The following CCDC60 variants were observed in gnomAD, a reference collection of about 807,000 sequenced individuals.
CCDC60 encodes the protein coiled-coil domain-containing protein 60.
A neutral mutation model predicts 63.5 loss-of-function variants in CCDC60; 54 were observed. The observed-to-expected ratio is 0.85, with a 90% CI of 0.68 to 1.07. The LOEUF (loss-of-function observed/expected upper bound fraction) is 1.07, where lower values mean the gene tolerates loss of function less well. CCDC60 is among the 50% of genes least tolerant of loss of function. The probability of loss-of-function intolerance (pLI) is 0.00; values close to 1 mark genes in which losing one functional copy is unlikely to be tolerated. For missense variants in CCDC60, 651 were observed against 684.3 expected (o/e 0.95, Z 0.54); for synonymous variants, 206 against 238.8 (o/e 0.86, Z 1.27).
chr12:119,467,797 A>G (rs1406057717), intron 2 of CCDC60, among the ~76,000 whole-genome samples: 1 of 152,254 alleles, frequency 6.6e-6, no homozygotes, highest in Non-Finnish European at 1.5e-5. Flanking sequence ...TGTGCTACAC[A>G]GAGAAAAATC....
intron 2 of CCDC60, among the ~76,000 whole-genome samples, chr12:119,469,728 G>A (rs1056271647): frequency 4.6e-5 from 7 of 152,158 alleles, no homozygotes; most frequent in South Asian, 2.1e-4. Context: ...CAACTGCCAC[G>A]TAGCTGGCAG....
Position 119,507,604 on chromosome 12 carries a change from A to ATTT in CCDC60, c.883+2302_883+2303insTTT, listed in dbSNP as rs1566050749. Among the ~76,000 whole-genome samples, 20 of 25,194 alleles carry ATTT rather than the reference A, an allele frequency of 7.9e-4. 1 individual carries two copies. The highest frequency in any genetic ancestry group is 3.8e-3 in the South Asian group (2 of 522). 16.5% of individuals were successfully genotyped at this position (25,194 alleles called of 152,430 possible). A position where few individuals can be genotyped will look rare whatever the true frequency, so the allele number is the denominator to read the frequency against. On this transcript the variant is annotated intron_variant, in intron 7 of 13. Coordinates refer to ENST00000327554, the MANE Select transcript of CCDC60 (RefSeq NM_178499.5). Reference sequence around the variant, plus strand: ...CACATATATATACATATATATATATATATATATATATTTTTTTTTTTTTTT... The same window carrying ATTT: ...CACATATATATACATATATATATATATTTTATATATATATTTTTTTTTTTTTTT...
chr12:119,335,259 T>C lies in CCDC60; in HGVS notation c.83T>C (p.Leu28Pro). The change falls in exon 1 of 14, where the codon CTA becomes CCA. Residue 28 changes from leucine to proline, a missense_variant. Leu to Pro is a moderately conservative substitution (Grantham distance 98). Transcript: ENST00000327554. ...CGGCCCTTTTATGCCTCGGAGAACC[T>C]AAGGCAGGTAAGTCTCCCCTCTGCT... is the stretch of plus-strand genomic sequence containing the variant. ...AVRPFYASEN[L>P]RQVPDKPMKS... 6.3e-7 allele frequency: 1 copy of C among 1,596,326 alleles called. No homozygotes were observed. The highest frequency in any genetic ancestry group is 1.4e-5 in the African/African-American group (1 of 73,966).
chr12:119,378,990 C>T (rs1007416621), intron 1 of CCDC60, among the ~76,000 whole-genome samples: 1 of 152,218 alleles, frequency 6.6e-6, no homozygotes, highest in African/African-American at 2.4e-5. Flanking sequence ...GACAAGAGGG[C>T]AAGGTCATCA....
At chr12:119,538,194 C>CAATG in intron 13 of CCDC60, among the ~76,000 whole-genome samples, 1 of 152,348 alleles carries the variant, frequency 6.6e-6, no homozygotes, top group Admixed American at 6.5e-5. Context: ...TAGCAGTGAG[C>CAATG]AATGCTCCAT....
intron 1 of CCDC60, among the ~76,000 whole-genome samples, chr12:119,376,487 G>C (rs1201708835): frequency 6.6e-6 from 1 of 152,246 alleles, no homozygotes; most frequent in Admixed American, 6.5e-5. Context: ...AATTTGTCAG[G>C]CATGGTGGCA....
At chr12:119,394,255 A>G (rs1201942620) in intron 1 of CCDC60, among the ~76,000 whole-genome samples, 5 of 152,226 alleles carry the variant, frequency 3.3e-5, no homozygotes, top group Non-Finnish European at 7.3e-5. Flanking sequence ...TCCACTGGGA[A>G]GCAGAAGCTT....
At chr12:119,342,998 A>G (rs536967754) in intron 1 of CCDC60, among the ~76,000 whole-genome samples, 1 of 152,386 alleles carries the variant, frequency 6.6e-6, no homozygotes, top group African/African-American at 2.4e-5. Flanking sequence ...GCAAAAATTC[A>G]TATGGGGTTC....
intron 1 of CCDC60, among the ~76,000 whole-genome samples, chr12:119,406,827 G>A (rs1471789443): frequency 6.6e-6 from 1 of 152,166 alleles, no homozygotes; most frequent in African/African-American, 2.4e-5. Context: ...AGCACCAGAG[G>A]ATGCAATACA....
intron 13 of CCDC60, among the ~76,000 whole-genome samples, chr12:119,539,523 GT>G (rs112649480): frequency 3.9e-5 from 6 of 152,270 alleles, no homozygotes; most frequent in African/African-American, 1.4e-4. Flanking sequence ...AATGGCGGAC[GT>G]CCCTCCCCCC....
intron 1 of CCDC60, among the ~76,000 whole-genome samples, chr12:119,387,246 C>T (rs1358766007): frequency 6.6e-6 from 1 of 152,120 alleles, no homozygotes; most frequent in African/African-American, 2.4e-5. Flanking sequence ...ATTTGAGGAT[C>T]TGAAGAGAAG....
At chr12:119,529,695 C>G (rs546250430) in intron 12 of CCDC60, among the ~76,000 whole-genome samples, 1 of 152,108 alleles carries the variant, frequency 6.6e-6, no homozygotes, top group Non-Finnish European at 1.5e-5. Context: ...CCTGAAGATA[C>G]ATGAGTCTTT....
intron 1 of CCDC60, among the ~76,000 whole-genome samples, chr12:119,367,076 A>T (rs1003443744): frequency 7.2e-5 from 11 of 151,942 alleles, no homozygotes; most frequent in African/African-American, 2.7e-4. Flanking sequence ...CAAGTGATCC[A>T]CCCACCCCGG....
At chr12:119,455,946 A>G (rs868689118) in intron 2 of CCDC60, among the ~76,000 whole-genome samples, 1 of 115,466 alleles carries the variant, frequency 8.7e-6, no homozygotes, top group Non-Finnish European at 1.8e-5. Context: ...AAAGAGAGAG[A>G]AAGGAAGGAA....
At chr12:119,455,885 AGAAAG>A (rs932259957) in intron 2 of CCDC60, among the ~76,000 whole-genome samples, 3 of 146,052 alleles carry the variant, frequency 2.1e-5, no homozygotes, top group Admixed American at 1.4e-4. Context: ...AGGAAGGAAA[AGAAAG>A]GAAAGAAAGA....
chr12:119,369,173 C>T (rs1187756203), intron 1 of CCDC60, among the ~76,000 whole-genome samples: 1 of 152,126 alleles, frequency 6.6e-6, no homozygotes, highest in Non-Finnish European at 1.5e-5. Context: ...TTATACGAGG[C>T]CTTCCTTTCC....
chr12:119,499,249 T>A (rs1254272494), intron 5 of CCDC60, among the ~76,000 whole-genome samples: 1 of 152,116 alleles, frequency 6.6e-6, no homozygotes, highest in Non-Finnish European at 1.5e-5. Flanking sequence ...GGCTTCAGTC[T>A]CCTATCCAGA....
chr12:119,508,034 G>A (rs1014913727), intron 7 of CCDC60, among the ~76,000 whole-genome samples: 2 of 152,018 alleles, frequency 1.3e-5, no homozygotes, highest in East Asian at 3.9e-4. Flanking sequence ...AGCCAGGCAT[G>A]GTGGCACATG....
intron 1 of CCDC60, among the ~76,000 whole-genome samples, chr12:119,383,922 C>T (rs377043390): frequency 1.8e-4 from 28 of 152,140 alleles, no homozygotes; most frequent in East Asian, 1.2e-3. Context: ...CTAGGCCGGG[C>T]GCGGTGGCTC....
Sources: gnomAD v4.1 joint callset for allele counts (sites outside exome capture counted in the v4.1 genomes callset) on GRCh38, gnomAD v4.1.1 for gene constraint, MANE v1.5 for transcripts, NCBI Gene and HGNC (gene_info 2026-07-23, HGNC 2026-07-21) for gene names.